SLC25A21: variants seen among roughly 807,000 people sequenced by gnomAD.
SLC25A21 encodes the protein solute carrier family 25 member 21.
In SLC25A21, 47 loss-of-function variants were observed where a neutral mutation model predicts 43.8. The observed-to-expected ratio is 1.07, with a 90% CI of 0.85 to 1.37. The LOEUF (loss-of-function observed/expected upper bound fraction) is 1.37. Among genes scored for constraint, SLC25A21 ranks in the 40% most tolerant of loss-of-function variants. The pLI, the probability that SLC25A21 is intolerant of heterozygous loss-of-function variation, is 0.00. For synonymous variants in SLC25A21, 131 were observed against 121.3 expected (o/e 1.08, Z -0.52); for missense variants, 352 against 350.2 (o/e 1.00, Z -0.04).
At chr14:37,126,023 T>C (rs1460249501) in intron 1 of SLC25A21, among the ~76,000 whole-genome samples, 1 of 152,224 alleles carries the variant, frequency 6.6e-6, no homozygotes, top group African/African-American at 2.4e-5. Flanking sequence ...CCAAAGTCTT[T>C]CATCACACCT....
chr14:37,027,598 T>C (rs990111567), intron 1 of SLC25A21, among the ~76,000 whole-genome samples: 4 of 152,184 alleles, frequency 2.6e-5, no homozygotes, highest in East Asian at 3.8e-4. Context: ...TCAGCGGCTG[T>C]GGCAGCTCAA....
intron 3 of SLC25A21, among the ~76,000 whole-genome samples, chr14:36,777,382 C>A (rs887867537): frequency 1.3e-5 from 2 of 152,096 alleles, no homozygotes; most frequent in African/African-American, 4.8e-5. Context: ...TGGATAGTGG[C>A]CCTAAAAAGA....
At chr14:37,072,924 A>G (rs557213827) in intron 1 of SLC25A21, among the ~76,000 whole-genome samples, 1 of 152,326 alleles carries the variant, frequency 6.6e-6, no homozygotes, top group East Asian at 1.9e-4. Context: ...AATTCTAAAA[A>G]TCAACAATAA....
chr14:37,148,372 A>G (rs2138930467), intron 1 of SLC25A21, among the ~76,000 whole-genome samples: 1 of 152,290 alleles, frequency 6.6e-6, no homozygotes, highest in South Asian at 2.1e-4. Flanking sequence ...CTATTATAGA[A>G]AGCAAATCAT....
chr14:37,071,008 A>G (rs1343707875), intron 1 of SLC25A21, among the ~76,000 whole-genome samples: 1 of 151,552 alleles, frequency 6.6e-6, no homozygotes, highest in African/African-American at 2.4e-5. Flanking sequence ...AGAATTTTCA[A>G]ATAACTTTGC....
chr14:37,169,054 T>G (rs1964077496), intron 1 of SLC25A21, among the ~76,000 whole-genome samples: 1 of 152,092 alleles, frequency 6.6e-6, no homozygotes, highest in Non-Finnish European at 1.5e-5. Flanking sequence ...CAGCTGCAGA[T>G]CTCAACATTA....
chr14:36,990,803 C>T lies in SLC25A21; in HGVS notation c.71-115799G>A, dbSNP rs1960246492. Among the ~76,000 whole-genome samples, 4 of 152,078 alleles carry T rather than the reference C, an allele frequency of 2.6e-5. No individual in the cohort carries two copies. The South Asian group carries it at 8.3e-4, about 32-fold the overall frequency. On this transcript the variant is annotated intron_variant, in intron 1 of 9. Coordinates refer to ENST00000331299, the MANE Select transcript of SLC25A21 (RefSeq NM_030631.4). Reference sequence around the variant, plus strand: ...GGCTGAGGTGGGAAGATTGCTTGAGCCCGGGAGGTCGAGGTTGCAGTGAGC... The same window carrying T: ...GGCTGAGGTGGGAAGATTGCTTGAGTCCGGGAGGTCGAGGTTGCAGTGAGC...
intron 6 of SLC25A21, among the ~76,000 whole-genome samples, chr14:36,712,876 A>C (rs541992151): frequency 6.6e-6 from 1 of 152,274 alleles, no homozygotes; most frequent in African/African-American, 2.4e-5. Context: ...TTCACCCCCA[A>C]ATCATTATTT....
At chr14:37,041,247 C>G (rs890134318) in intron 1 of SLC25A21, among the ~76,000 whole-genome samples, 4 of 152,100 alleles carry the variant, frequency 2.6e-5, no homozygotes, top group African/African-American at 9.7e-5. Context: ...AACCAAGTGC[C>G]TCTAACAGAG....
intron 1 of SLC25A21, among the ~76,000 whole-genome samples, chr14:36,923,481 C>T (rs936918588): frequency 2.6e-5 from 4 of 152,080 alleles, no homozygotes; most frequent in Admixed American, 2.0e-4. Context: ...AATTTCTACA[C>T]AAGGAATTGA....
chr14:36,699,290 A>T (rs886294770), intron 7 of SLC25A21, among the ~76,000 whole-genome samples: 1 of 152,086 alleles, frequency 6.6e-6, no homozygotes, highest in Non-Finnish European at 1.5e-5. Flanking sequence ...CAGAACAGCA[A>T]ATATTGCTGC....
chr14:36,985,617 T>A (rs530256454), intron 1 of SLC25A21, among the ~76,000 whole-genome samples: 1 of 152,298 alleles, frequency 6.6e-6, no homozygotes, highest in Admixed American at 6.5e-5. Flanking sequence ...AAAACTACTA[T>A]GTTATGACCT....
intron 3 of SLC25A21, among the ~76,000 whole-genome samples, chr14:36,810,428 G>T (rs1226566342): frequency 6.6e-6 from 1 of 152,114 alleles, no homozygotes; most frequent in African/African-American, 2.4e-5. Context: ...TTGCAGGAAA[G>T]GGATACTTTC....
chr14:36,764,036 A>AAAGAAAGAAAGAAAG (rs1886266384), intron 3 of SLC25A21, among the ~76,000 whole-genome samples: 2 of 25,626 alleles, frequency 7.8e-5, no homozygotes, highest in African/African-American at 3.7e-4. Flanking sequence ...GAAAGAAAGA[A>AAAGAAAGAAAGAAAG]AAAGAAAGAA....
chr14:37,031,531 G>A (rs1341600047), intron 1 of SLC25A21, among the ~76,000 whole-genome samples: 3 of 152,062 alleles, frequency 2.0e-5, no homozygotes, highest in African/African-American at 7.2e-5. Flanking sequence ...TAACTTACAG[G>A]TTACTTTATA....
At chr14:36,969,621 T>C (rs533448182) in intron 1 of SLC25A21, among the ~76,000 whole-genome samples, 1 of 151,130 alleles carries the variant, frequency 6.6e-6, no homozygotes, top group East Asian at 2.0e-4. Context: ...GTTTGGGAGC[T>C]GGGACAACAG....
intron 6 of SLC25A21, 32 bp from the exon 7 acceptor site, chr14:36,711,514 C>T: frequency 6.2e-7 from 1 of 1,608,808 alleles, no homozygotes; most frequent in Non-Finnish European, 8.5e-7. Context: ...CCAGAATGAT[C>T]ATCTTTGGGA....
rs550228962 is a variant in SLC25A21 at position 36,679,436 on chromosome 14, G to GTAAC, written c.*1218_*1221dup. 5.1e-4 allele frequency: 498 copies of GTAAC among 985,282 alleles called. 11 individuals are homozygous for GTAAC. The South Asian group carries it at 0.02, about 40-fold the overall frequency. The allele number at this position is 985,282 out of a possible 1,614,324, so 61.0% of individuals were successfully genotyped here. A position where few individuals can be genotyped will look rare whatever the true frequency, so the allele number is the denominator to read the frequency against. On this transcript the variant is annotated 3_prime_UTR_variant, in exon 10 of 10. Coordinates refer to ENST00000331299, the MANE Select transcript of SLC25A21 (RefSeq NM_030631.4). Reference sequence around the variant, plus strand: ...CCCGTAGTAGAAATAGCCCACGGTAGTAACTTAGGACAGGTGTCATATGGA... The same window carrying GTAAC: ...CCCGTAGTAGAAATAGCCCACGGTAGTAACTAACTTAGGACAGGTGTCATATGGA...
intron 1 of SLC25A21, among the ~76,000 whole-genome samples, chr14:37,016,036 CTTTAG>C (rs1398402103): frequency 6.6e-6 from 1 of 151,754 alleles, no homozygotes; most frequent in Admixed American, 6.6e-5. Context: ...TGCAGAAGCT[CTTTAG>C]TTTAATTAGA....
Sources: allele counts gnomAD v4.1 joint callset (sites outside exome capture counted in the v4.1 genomes callset), GRCh38; gene constraint gnomAD v4.1.1; transcripts MANE v1.5; gene names NCBI Gene and HGNC (gene_info 2026-07-23, HGNC 2026-07-21).